The following FGF14 variants were observed in gnomAD, a reference collection of about 807,000 sequenced individuals.
FGF14 encodes fibroblast growth factor 14.
FGF14 carries 5 observed loss-of-function variants against 25.5 expected under a neutral mutation model. The ratio of observed to expected loss-of-function variants is 0.20; its 90% CI spans 0.10 to 0.41. The LOEUF (loss-of-function observed/expected upper bound fraction) is 0.41. Ranked by LOEUF, FGF14 falls within the 10% of genes least tolerant of loss-of-function variation. FGF14 has a pLI of 1.00. For missense variants in FGF14, 222 were observed against 320.1 expected (o/e 0.69, Z 2.34); for synonymous variants, 138 against 118.3 (o/e 1.17, Z -1.08).
chr13:102,395,968 A>C (rs951929690), intron 1 of FGF14, among the ~76,000 whole-genome samples: 3 of 151,558 alleles, frequency 2.0e-5, no homozygotes, highest in Non-Finnish European at 1.5e-5. Flanking sequence ...CAGCTAGAGA[A>C]CTACACAGGG....
At chr13:102,017,219 G>C (rs1235974155) in intron 1 of FGF14, 1 of 340,696 alleles carries the variant, frequency 2.9e-6, no homozygotes, top group African/African-American at 2.2e-5. Flanking sequence ...TTGGATGTGT[G>C]CTGGGGGAGA....
intron 1 of FGF14, among the ~76,000 whole-genome samples, chr13:102,201,766 C>A (rs1246636502): frequency 6.6e-6 from 1 of 152,184 alleles, no homozygotes; most frequent in Non-Finnish European, 1.5e-5. Flanking sequence ...GGACAAATTT[C>A]CTCTGGAGAG....
chr13:101,723,758 G>A (rs76959203), intron 4 of FGF14, among the ~76,000 whole-genome samples: 1,780 of 152,110 alleles, frequency 0.012, 31 homozygotes, highest in African/African-American at 0.04. Context: ...AGTAGTTCAC[G>A]TGGCTTTTTA....
intron 1 of FGF14, among the ~76,000 whole-genome samples, chr13:101,968,215 G>A (rs1347969123): frequency 6.6e-6 from 1 of 152,094 alleles, no homozygotes; most frequent in East Asian, 1.9e-4. Context: ...AATGCATAAA[G>A]GTGAAATTGT....
chr13:102,098,663 G>A (rs948605293), intron 1 of FGF14, among the ~76,000 whole-genome samples: 2 of 152,176 alleles, frequency 1.3e-5, no homozygotes, highest in Admixed American at 1.3e-4. Flanking sequence ...GACTAGAGGA[G>A]GTCAGAACTG....
At chr13:102,129,087 A>T (rs2046074076) in intron 1 of FGF14, among the ~76,000 whole-genome samples, 1 of 152,090 alleles carries the variant, frequency 6.6e-6, no homozygotes, top group African/African-American at 2.4e-5. Context: ...TAAATTAATT[A>T]AAAAATACAA....
intron 1 of FGF14, among the ~76,000 whole-genome samples, chr13:102,233,098 C>T (rs1188097069): frequency 3.3e-5 from 5 of 151,992 alleles, no homozygotes; most frequent in African/African-American, 1.2e-4. Context: ...ATTTTTCTAC[C>T]AAAGCATTCC....
chr13:102,200,979 G>C (rs2049602374), intron 1 of FGF14, among the ~76,000 whole-genome samples: 1 of 151,904 alleles, frequency 6.6e-6, no homozygotes, highest in Non-Finnish European at 1.5e-5. Context: ...GGGGGCGCCT[G>C]TAGTCCCAGC....
At chr13:101,958,621 C>T (rs1318316139) in intron 1 of FGF14, among the ~76,000 whole-genome samples, 2 of 152,170 alleles carry the variant, frequency 1.3e-5, no homozygotes, top group Non-Finnish European at 1.5e-5. Context: ...ACTCTGACTA[C>T]ATATAGAATA....
At chr13:101,881,026 ATAT>A (rs2045680258) in intron 1 of FGF14, among the ~76,000 whole-genome samples, 1 of 152,218 alleles carries the variant, frequency 6.6e-6, no homozygotes, top group South Asian at 2.1e-4. Context: ...TAGGTAAAGT[ATAT>A]TAAGAGAATG....
At chr13:101,995,669 C>T (rs766512381) in intron 1 of FGF14, among the ~76,000 whole-genome samples, 4 of 152,048 alleles carry the variant, frequency 2.6e-5, no homozygotes, top group East Asian at 3.9e-4. Flanking sequence ...TAAAGAAAAG[C>T]GAAGCTACTG....
chr13:101,714,304 C>G lies in FGF14; in HGVS notation c.*8527G>C. 1 of 661,204 alleles carries G rather than the reference C, an allele frequency of 1.5e-6. No individual in the cohort carries two copies. The highest frequency in any genetic ancestry group is 2.7e-6 in the Non-Finnish European group (1 of 366,104). 41.0% of individuals were successfully genotyped at this position (661,204 alleles called of 1,614,324 possible). On this transcript the variant is annotated 3_prime_UTR_variant, in exon 5 of 5. Coordinates refer to ENST00000376143, the MANE Select transcript of FGF14 (RefSeq NM_004115.4). ...TAAGTAAAGCTCCCCTCTGAGAAAC[C>G]AGCCATTCAATACACTTTTACCTTT...
intron 1 of FGF14, among the ~76,000 whole-genome samples, chr13:102,163,723 C>A (rs925244221): frequency 6.6e-6 from 1 of 151,820 alleles, no homozygotes; most frequent in South Asian, 2.1e-4. Flanking sequence ...ACCAAGGGAG[C>A]CTGGATTGGG....
intron 1 of FGF14, among the ~76,000 whole-genome samples, chr13:101,922,726 T>C (rs2034089889): frequency 6.6e-6 from 1 of 152,102 alleles, no homozygotes; most frequent in Non-Finnish European, 1.5e-5. Flanking sequence ...TTTTTTCCTA[T>C]TGCATTCTGA....
chr13:101,981,198 T>C (rs140131422), intron 1 of FGF14, among the ~76,000 whole-genome samples: 278 of 151,124 alleles, frequency 1.8e-3, no homozygotes, highest in Admixed American at 3.6e-3. Flanking sequence ...AAGAATCCCT[T>C]GAGCCCGGGA....
At chr13:101,808,669 T>C (rs1185457099) in intron 3 of FGF14, among the ~76,000 whole-genome samples, 1 of 152,074 alleles carries the variant, frequency 6.6e-6, no homozygotes, top group Admixed American at 6.5e-5. Context: ...ACACCTGCTA[T>C]TTATTGGAAA....
intron 3 of FGF14, among the ~76,000 whole-genome samples, chr13:101,849,802 G>A (rs1334413490): frequency 6.6e-6 from 1 of 151,950 alleles, no homozygotes; most frequent in Non-Finnish European, 1.5e-5. Flanking sequence ...TGTTCCTCCT[G>A]GGAGTCATGA....
In FGF14 at chr13:101,933,679, G is replaced by A. The variant is rs187131848; in HGVS notation, c.209-58383C>T. 8.4e-4 allele frequency among the ~76,000 whole-genome samples: 128 copies of A among 152,246 alleles called. 1 individual carries two copies. Among genetic ancestry groups the A allele is most frequent in the African/African-American group, 1.9e-3 (78 of 41,538 alleles). Reference sequence around the variant, plus strand: ...GCAGAGGTTGCAGTCAGCCAAGATCGCACCACTGCGATCCAGCCTGGACAA... The same window carrying A: ...GCAGAGGTTGCAGTCAGCCAAGATCACACCACTGCGATCCAGCCTGGACAA... On this transcript the variant is annotated intron_variant, in intron 1 of 4. Transcript: ENST00000376131.
chr13:102,033,730 C>T (rs1449431195), intron 1 of FGF14, among the ~76,000 whole-genome samples: 1 of 152,150 alleles, frequency 6.6e-6, no homozygotes, highest in Non-Finnish European at 1.5e-5. Flanking sequence ...CAAGAAAGCT[C>T]ACTGGCTCTA....
Sources: allele counts gnomAD v4.1 joint callset (sites outside exome capture counted in the v4.1 genomes callset), GRCh38; gene constraint gnomAD v4.1.1; transcripts MANE v1.5; gene names NCBI Gene and HGNC (gene_info 2026-07-23, HGNC 2026-07-21).